The following CD101 variants were observed in gnomAD, a reference collection of about 807,000 sequenced individuals.
The protein encoded by CD101 is immunoglobulin superfamily member 2.
In CD101, 76 loss-of-function variants were observed where a neutral mutation model predicts 98.2. The ratio of observed to expected loss-of-function variants is 0.77; its 90% CI spans 0.64 to 0.94. CD101 has a LOEUF of 0.94. Ranked by LOEUF, CD101 falls within the 40% of genes least tolerant of loss-of-function variation. The probability of loss-of-function intolerance (pLI) is 0.00; values close to 1 mark genes in which losing one functional copy is unlikely to be tolerated. For synonymous variants in CD101, 471 were observed against 472.7 expected, an observed-to-expected ratio of 1.00 and a Z score of 0.05; for missense variants, 1,145 against 1,218.8, an observed-to-expected ratio of 0.94 and a Z score of 0.90.
chr1:117,002,160 G>A (rs773584142), intron 1 of CD101, among the ~76,000 whole-genome samples: 12 of 152,142 alleles, frequency 7.9e-5, no homozygotes, highest in South Asian at 2.1e-4. Context: ...TTCCTGGGCC[G>A]ATCATCCCAA....
chr1:117,018,608 C>G lies in CD101; in HGVS notation c.2017+48C>G. 6.7e-7 allele frequency: 1 copy of G among 1,495,020 alleles called. No individual in the cohort carries two copies. The allele number at this position is 1,495,020 out of a possible 1,614,324, so 92.6% of individuals were successfully genotyped here. On this transcript the variant is annotated intron_variant, in intron 6 of 9. Coordinates refer to ENST00000682167, the MANE Select transcript of CD101 (RefSeq NM_001256106.3). The surrounding 1 kb of genome is among the most constrained non-coding windows in gnomAD (Gnocchi z 4.3). ...CCCTGTTTTAAAAACAAACAAATAG[C>G]AATCCTCCCATTTTGGGTAAGTTAT... is the stretch of plus-strand genomic sequence containing the variant.
In CD101 at chr1:117,025,767, T is replaced by A. The variant is rs773593572; in HGVS notation, c.2687T>A (p.Leu896His). The A allele has an allele frequency of 1.2e-6, 2 of 1,614,210 alleles. No individual in the cohort carries two copies. The highest frequency in any genetic ancestry group is 1.7e-6 in the Non-Finnish European group (2 of 1,180,038). The change falls in exon 8 of 10, where the codon CTT becomes CAT. Residue 896 changes from leucine to histidine, a missense_variant. By Grantham distance (99) the Leu-to-His change is moderately conservative. Coordinates refer to ENST00000682167, the MANE Select transcript of CD101 (RefSeq NM_001256106.3). ...TCCTCTACAGACTTTGTCCTGAAGCTTCATCAGGTGGAGATGGAGGATGCA... is the reference window on the plus strand; with the variant it reads ...TCCTCTACAGACTTTGTCCTGAAGCATCATCAGGTGGAGATGGAGGATGCA... The part of the protein sequence containing the change: ...RSSSTDFVLK[L>H]HQVEMEDAGM...
rs1347299194 is a variant in CD101 at position 117,006,232 on chromosome 1, C to G, written c.44-3618C>G. 1.3e-5 allele frequency among the ~76,000 whole-genome samples: 2 copies of G among 152,158 alleles called. No individual in the cohort carries two copies. Among genetic ancestry groups the G allele is most frequent in the African/African-American group, 2.4e-5 (1 of 41,442 alleles). On this transcript the variant is annotated intron_variant, in intron 1 of 9. Transcript: ENST00000682167. The surrounding 1 kb of genome is among the most constrained non-coding windows in gnomAD (Gnocchi z 4.4). ...TCCCAAGCATCCAACGCACTGAAAA[C>G]TACAGATTTTGTCTCCACAGTAGCT...
In CD101 at chr1:117,012,313, G is replaced by A. The variant is rs890823662; in HGVS notation, c.841+347G>A. 6.6e-6 allele frequency among the ~76,000 whole-genome samples: 1 copy of A among 152,160 alleles called. No homozygotes were observed. Among genetic ancestry groups the A allele is most frequent in the Non-Finnish European group, 1.5e-5 (1 of 68,030 alleles). ...CCACCACCCTATGAGGCAAGTAGTT[G>A]AGTCTCCATTTTAAAAATGAGGACT... On this transcript the variant is annotated intron_variant, in intron 3 of 9. Transcript: ENST00000682167. This position sits in a 1 kb window ranked among gnomAD's most constrained non-coding sequence, Gnocchi z 4.0.
rs765602625 is a variant in CD101 at position 117,018,376 on chromosome 1, A to G, written c.1833A>G (p.Gln611=). The G allele has an allele frequency of 3.1e-6, 5 of 1,614,172 alleles. No homozygotes were observed. In the South Asian group the frequency reaches 4.4e-5, roughly 14 times the overall value. Reference sequence around the variant, plus strand: ...GGGGGAATTTCCTATCCCGGTTCCAAAAGAAGACGAAAGTGTCGCAGTCTT... The same window carrying G: ...GGGGGAATTTCCTATCCCGGTTCCAGAAGAAGACGAAAGTGTCGCAGTCTT... ...IEWGNFLSRF[Q]KKTKVSQSLF... The change falls in exon 6 of 10, where the codon CAA becomes CAG. Residue 611 remains glutamine, a synonymous_variant. Coordinates refer to ENST00000682167, the MANE Select transcript of CD101 (RefSeq NM_001256106.3). The surrounding 1 kb of genome is among the most constrained non-coding windows in gnomAD (Gnocchi z 4.3).
At chr1:117,029,129 C>CAGAAAGAAAGAA (rs1277611386) in intron 8 of CD101, among the ~76,000 whole-genome samples, 2 of 18,490 alleles carry the variant, frequency 1.1e-4, no homozygotes, top group African/African-American at 1.5e-4. Flanking sequence ...AGTCCAACAT[C>CAGAAAGAAAGAA]AGAAAGAAAG....
At chr1:117,028,111 T>TAAAA (rs1654082950) in intron 8 of CD101, among the ~76,000 whole-genome samples, 1 of 139,312 alleles carries the variant, frequency 7.2e-6, no homozygotes, top group Non-Finnish European at 1.6e-5. Context: ...ATAAATAAAA[T>TAAAA]AAAATAAAAT....
intron 8 of CD101, chr1:117,026,852 C>G (rs1646776670): frequency 1.3e-5 from 2 of 152,100 alleles, no homozygotes; most frequent in Non-Finnish European, 2.9e-5. Context: ...TCATGACAAA[C>G]TGAGGGTTTT....
At chr1:117,020,394 A>T (rs1419664295) in intron 6 of CD101, among the ~76,000 whole-genome samples, 1 of 152,122 alleles carries the variant, frequency 6.6e-6, no homozygotes, top group Non-Finnish European at 1.5e-5. Context: ...AAATGCACAG[A>T]TTAGCCAGGC....
chr1:117,005,479 A>G lies in CD101; in HGVS notation c.43+3619A>G, dbSNP rs570766957. ...AGTCTCCTCTGCCTTCAGAGTCCCC[A>G]ACCTCTTGGCAGCCTTTGGCAGTGC... On this transcript the variant is annotated intron_variant, in intron 1 of 9. Transcript: ENST00000682167. The surrounding 1 kb of genome is among the most constrained non-coding windows in gnomAD (Gnocchi z 4.4). Among the ~76,000 whole-genome samples, 72 of 152,214 alleles carry G rather than the reference A, an allele frequency of 4.7e-4. No homozygotes were observed. Among genetic ancestry groups the G allele is most frequent in the African/African-American group, 1.6e-3 (67 of 41,516 alleles).
chr1:117,031,754 T>C (rs761896293), intron 8 of CD101, among the ~76,000 whole-genome samples: 2 of 152,226 alleles, frequency 1.3e-5, no homozygotes, highest in Non-Finnish European at 2.9e-5. Flanking sequence ...GAAATTGTTA[T>C]CCCTATTTGG....
chr1:117,021,520 A>G lies in CD101; in HGVS notation c.2018-53A>G, dbSNP rs918513452. 3.4e-6 allele frequency: 5 copies of G among 1,468,098 alleles called. No homozygotes were observed. The African/African-American group carries it at 7.1e-5, about 21-fold the overall frequency. The allele number at this position is 1,468,098 out of a possible 1,614,324, so 90.9% of individuals were successfully genotyped here. On this transcript the variant is annotated intron_variant, in intron 6 of 9. Transcript: ENST00000682167. The surrounding 1 kb of genome is among the most constrained non-coding windows in gnomAD (Gnocchi z 4.7). ...ATACTTGACCTCTAATGTCTCTACT[A>G]CCTTAACTTTCTATTTCATAGCAAA... is the stretch of plus-strand genomic sequence containing the variant.
At chr1:117,034,159 C>A in intron 9 of CD101, 25 bp downstream of exon 9, 2 of 1,589,710 alleles carry the variant, frequency 1.3e-6, no homozygotes, top group Non-Finnish European at 1.7e-6. Flanking sequence ...ATTGGGCTAA[C>A]CAGGGTGTGA....
rs768294212 is a variant in CD101, at chr1:117,018,459, A to C, written c.1916A>C (p.Gln639Pro). 1.2e-6 allele frequency: 2 copies of C among 1,614,216 alleles called. No individual in the cohort carries two copies. Among genetic ancestry groups the C allele is most frequent in the Non-Finnish European group, 1.7e-6 (2 of 1,180,030 alleles). Residue 639 changes from glutamine to proline, a missense_variant, in exon 6 of 10, where the codon CAG (glutamine) becomes CCG (proline). Gln to Pro is a moderately conservative substitution (Grantham distance 76). Transcript: ENST00000682167. The surrounding 1 kb of genome is among the most constrained non-coding windows in gnomAD (Gnocchi z 4.3). ...DATEEETGVY[Q>P]CEVEVYDRNS... The stretch of plus-strand genomic sequence containing the variant: ...ACTGAGGAAGAGACAGGAGTGTATC[A>C]GTGTGAAGTAGAAGTTTATGACAGA...
chr1:117,003,013 A>T (rs1477062755), intron 1 of CD101, among the ~76,000 whole-genome samples: 1 of 152,200 alleles, frequency 6.6e-6, no homozygotes, highest in Non-Finnish European at 1.5e-5. Context: ...ATGGTGGCAC[A>T]TACCTGTGGC....
At position 117,006,299 on chromosome 1, in the gene CD101, C is replaced by T. The variant is rs1036779736; in HGVS notation, c.44-3551C>T. Among the ~76,000 whole-genome samples the T allele has an allele frequency of 5.3e-5, 8 of 152,148 alleles. No individual in the cohort carries two copies. Among genetic ancestry groups the T allele is most frequent in the Non-Finnish European group, 1.5e-5 (1 of 68,026 alleles). On this transcript the variant is annotated intron_variant, in intron 1 of 9. Coordinates refer to ENST00000682167, the MANE Select transcript of CD101 (RefSeq NM_001256106.3). The surrounding 1 kb of genome is among the most constrained non-coding windows in gnomAD (Gnocchi z 4.4). ...ACTTTTATCCCTATTGCTTTTGTCA[C>T]CTCTGTCCTGAGCTCCTACAATTAC...
chr1:117,009,751 A>T, intron 1 of CD101, 99 bp from the exon 2 acceptor site: 1 of 1,315,244 alleles, frequency 7.6e-7, no homozygotes, highest in Middle Eastern at 2.8e-4. Context: ...TTGCGATCTC[A>T]TTTACCAGAA....
In CD101 at chr1:117,010,019, G is replaced by T; in HGVS notation, c.213G>T (p.Gln71His). ...CGACAAACCCGACCCAGGAAGTCCAGATCATTAGCACCAAGGATGCTGCCT... is the reference window on the plus strand; with the variant it reads ...CGACAAACCCGACCCAGGAAGTCCATATCATTAGCACCAAGGATGCTGCCT... ...YLPTNPTQEV[Q>H]IISTKDAAFS... Residue 71 changes from glutamine to histidine, a missense_variant, in exon 2 of 10, where the codon CAG (glutamine) becomes CAT (histidine). Physicochemically the swap from Gln to His is conservative, Grantham distance 24. Transcript: ENST00000682167. This position sits in a 1 kb window ranked among gnomAD's most constrained non-coding sequence, Gnocchi z 5.2. 1.2e-6 allele frequency: 2 copies of T among 1,614,210 alleles called. No homozygotes were observed. The highest frequency in any genetic ancestry group is 1.7e-6 in the Non-Finnish European group (2 of 1,180,036).
At chr1:117,035,841 C>T (rs746468784) in intron 9 of CD101, among the ~76,000 whole-genome samples, 2 of 152,160 alleles carry the variant, frequency 1.3e-5, no homozygotes, top group Non-Finnish European at 2.9e-5. Flanking sequence ...CGTGAGCCAC[C>T]ACGCCCGGCA....
Sources: allele counts gnomAD v4.1 joint callset (sites outside exome capture counted in the v4.1 genomes callset), GRCh38; gene constraint gnomAD v4.1.1; non-coding constraint Gnocchi (gnomAD v3.1); transcripts MANE v1.5; gene names NCBI Gene and HGNC (gene_info 2026-07-23, HGNC 2026-07-21).